The following CNOT1 variants were observed in gnomAD, a reference collection of about 807,000 sequenced individuals.
CNOT1 encodes the protein CCR4-NOT transcription complex subunit 1, also known as CCR4-associated factor 1.
Under a neutral mutation model 273.8 loss-of-function variants are expected in CNOT1, and 15 were observed. That is an observed-to-expected ratio of 0.05 (90% CI 0.04 to 0.08). The LOEUF is 0.08. Ranked by LOEUF, CNOT1 falls within the 10% of genes least tolerant of loss-of-function variation. The pLI is 1.00. For missense variants in CNOT1, 1,644 were observed against 2,912.2 expected, an observed-to-expected ratio of 0.56 and a Z score of 10.02; for synonymous variants, 1,022 against 1,005.5, an observed-to-expected ratio of 1.02 and a Z score of -0.31.
chr16:58,561,981 A>G (rs1393601206), intron 16 of CNOT1, among the ~76,000 whole-genome samples: 3 of 151,938 alleles, frequency 2.0e-5, no homozygotes, highest in African/African-American at 7.3e-5. Flanking sequence ...TCAGGTCAGA[A>G]GCTGAGGTCA....
chr16:58,622,002 G>A lies in CNOT1; in HGVS notation c.-175+7726C>T, dbSNP rs146847329. Among the ~76,000 whole-genome samples the A allele has an allele frequency of 9.3e-3, 1,383 of 148,838 alleles. 10 individuals carry two copies. The highest frequency in any genetic ancestry group is 0.021 in the Middle Eastern group (6 of 280). On this transcript the variant is annotated intron_variant, in intron 1 of 48. Coordinates refer to ENST00000317147, the MANE Select transcript of CNOT1 (RefSeq NM_016284.5). Reference sequence around the variant, plus strand: ...ATTTGGATGATGATGATCTATCAGCGTAGATTCATCAATTGTAAGAAATGT... The same window carrying A: ...ATTTGGATGATGATGATCTATCAGCATAGATTCATCAATTGTAAGAAATGT...
intron 2 of CNOT1, among the ~76,000 whole-genome samples, chr16:58,593,637 G>A (rs1438668195): frequency 1.3e-5 from 2 of 151,738 alleles, no homozygotes; most frequent in Non-Finnish European, 2.9e-5. Context: ...AGGAGGCTGA[G>A]GCAGAAGAAC....
At chr16:58,524,485 T>C (rs975190297) in intron 46 of CNOT1, among the ~76,000 whole-genome samples, 2 of 152,042 alleles carry the variant, frequency 1.3e-5, no homozygotes, top group African/African-American at 4.8e-5. Flanking sequence ...GACGTGATGG[T>C]ATTCAATTTT....
intron 17 of CNOT1, among the ~76,000 whole-genome samples, chr16:58,558,976 C>T (rs1391686059): frequency 1.3e-5 from 2 of 152,208 alleles, no homozygotes; most frequent in Non-Finnish European, 2.9e-5. Context: ...TTTGCATATA[C>T]ATAACCAGAT....
chr16:58,557,111 TAA>T, intron 18 of CNOT1, 118 bp from the exon 19 acceptor site: 1 of 1,329,686 alleles, frequency 7.5e-7, no homozygotes, highest in Non-Finnish European at 9.9e-7. Context: ...ACTCTTACTT[TAA>T]AAGTCAGAGT....
chr16:58,532,621 C>A, intron 40 of CNOT1: 1 of 655,458 alleles, frequency 1.5e-6, no homozygotes, highest in Non-Finnish European at 2.4e-6. Context: ...TTGGACCACA[C>A]CTGAATATTC....
At chr16:58,602,641 G>T (rs2042516309) in intron 1 of CNOT1, among the ~76,000 whole-genome samples, 1 of 150,218 alleles carries the variant, frequency 6.7e-6, no homozygotes, top group Non-Finnish European at 1.5e-5. Flanking sequence ...TGAGGCAGGA[G>T]AATCACTTAA....
chr16:58,524,580 A>G (rs1415923172), intron 46 of CNOT1, among the ~76,000 whole-genome samples: 1 of 152,162 alleles, frequency 6.6e-6, no homozygotes, highest in Non-Finnish European at 1.5e-5. Flanking sequence ...TCTCTCAAGA[A>G]TCAATAGCAA....
rs1222901445 is a variant in CNOT1, at chr16:58,555,223, A to T, written c.2891+28T>A. The T allele has an allele frequency of 3.7e-6, 6 of 1,609,376 alleles. No individual in the cohort carries two copies. The African/African-American group carries it at 8.0e-5, about 22-fold the overall frequency. On this transcript the variant is annotated intron_variant, in intron 21 of 48. Transcript: ENST00000317147. Reference sequence around the variant, plus strand: ...CCCTGTCTGCGGGGTCAGGGAAGAGATCCTTCACAGGAAACCTATCCACTT... The same window carrying T: ...CCCTGTCTGCGGGGTCAGGGAAGAGTTCCTTCACAGGAAACCTATCCACTT...
chr16:58,588,272 G>C (rs1438029960), intron 3 of CNOT1, among the ~76,000 whole-genome samples: 1 of 151,828 alleles, frequency 6.6e-6, no homozygotes. Context: ...TGGGTGACGA[G>C]AGAGAGACTC....
intron 39 of CNOT1, among the ~76,000 whole-genome samples, chr16:58,534,648 A>G (rs1359110729): frequency 6.6e-6 from 1 of 152,218 alleles, no homozygotes; most frequent in Non-Finnish European, 1.5e-5. Context: ...GCAATTTTGA[A>G]CAGTAGGTCC....
chr16:58,562,506 A>T (rs1278574868), intron 16 of CNOT1, among the ~76,000 whole-genome samples: 1 of 150,916 alleles, frequency 6.6e-6, no homozygotes, highest in Non-Finnish European at 1.5e-5. Context: ...CCTGTCTCTA[A>T]AAAAAATAAA....
intron 1 of CNOT1, among the ~76,000 whole-genome samples, chr16:58,625,857 CAAAA>C (rs35404068): frequency 2.8e-5 from 3 of 106,382 alleles, no homozygotes; most frequent in African/African-American, 3.6e-5. Context: ...AACCCTGTCT[CAAAA>C]AAAAAAAAAA....
chr16:58,578,708 C>G lies in CNOT1; in HGVS notation c.1575G>C (p.Trp525Cys). Reference sequence around the variant, plus strand: ...CACGGTCACATCTTACCTGCCCATGCCATGCATAGTGCAAAATAATAGCTG... The same window carrying G: ...CACGGTCACATCTTACCTGCCCATGGCATGCATAGTGCAAAATAATAGCTG... ...PNSAIILHYA[W>C]HGQGQSPSIR... The change falls in exon 13 of 49, where the codon TGG (tryptophan) becomes TGC (cysteine). Residue 525 changes from tryptophan (W) to cysteine (C), a missense_variant. Around this residue, in one of 13 missense-constraint regions of CNOT1, gnomAD observed 706 missense variants for 1,021.2 expected, o/e 0.69. Transcript: ENST00000317147. 1 of 1,614,022 alleles carries G rather than the reference C, an allele frequency of 6.2e-7. No homozygotes were observed. The highest frequency in any genetic ancestry group is 8.5e-7 in the Non-Finnish European group (1 of 1,180,010).
chr16:58,560,182 G>A lies in CNOT1; in HGVS notation c.2130+30C>T, dbSNP rs752174878. ...ATTCTATTCCAAATCTATGGCAAAT[G>A]AAGATGTATCAAATGTAGCACTCAT... On this transcript the variant is annotated intron_variant, in intron 17 of 48. Coordinates refer to ENST00000317147, the MANE Select transcript of CNOT1 (RefSeq NM_016284.5). 44 of 1,608,056 alleles carry A rather than the reference G, an allele frequency of 2.7e-5. 2 individuals carry two copies. Among genetic ancestry groups the A allele is most frequent in the Admixed American group, 1.4e-4 (8 of 58,766 alleles).
chr16:58,561,698 T>C (rs1353195480), intron 16 of CNOT1, among the ~76,000 whole-genome samples: 1 of 152,202 alleles, frequency 6.6e-6, no homozygotes, highest in East Asian at 1.9e-4. Flanking sequence ...GAAATGCTCA[T>C]TGTAGCATTT....
chr16:58,602,319 C>T (rs2042495821), intron 1 of CNOT1, among the ~76,000 whole-genome samples: 1 of 152,044 alleles, frequency 6.6e-6, no homozygotes, highest in Non-Finnish European at 1.5e-5. Context: ...GATCCACCCA[C>T]CTCAGCCTCC....
chr16:58,593,405 C>T (rs1276359284), intron 2 of CNOT1, among the ~76,000 whole-genome samples: 1 of 151,982 alleles, frequency 6.6e-6, no homozygotes, highest in African/African-American at 2.4e-5. Flanking sequence ...ACTAAAAATA[C>T]AGTATTAGCT....
intron 38 of CNOT1, 106 bp from the exon 39 acceptor site, chr16:58,537,326 A>G (rs1039329915): frequency 2.1e-6 from 3 of 1,452,174 alleles, no homozygotes; most frequent in Non-Finnish European, 2.7e-6. Context: ...AGAGTGGTTT[A>G]CCACTTCGCT....
Sources: allele counts gnomAD v4.1 joint callset (sites outside exome capture counted in the v4.1 genomes callset), GRCh38; gene constraint gnomAD v4.1.1; regional missense constraint gnomAD v4.1.1; transcripts MANE v1.5; gene names NCBI Gene and HGNC (gene_info 2026-07-23, HGNC 2026-07-21).